Variants in PCDHA3 observed in about 807,000 individuals in gnomAD.
PCDHA3 encodes the protein protocadherin alpha 3.
Under a neutral mutation model 62.2 loss-of-function variants are expected in PCDHA3, and 41 were observed. The ratio of observed to expected loss-of-function variants is 0.66; its 90% CI spans 0.51 to 0.86. The LOEUF is 0.86. PCDHA3 is among the 40% of genes least tolerant of loss of function. The pLI is 0.00. For missense variants in PCDHA3, 1,304 were observed against 1,241.2 expected (o/e 1.05, Z -0.76); for synonymous variants, 640 against 555.4 (o/e 1.15, Z -2.14).
intron 1 of PCDHA3, chr5:140,884,432 C>G: frequency 6.2e-7 from 1 of 1,613,880 alleles, no homozygotes; most frequent in Non-Finnish European, 8.5e-7. Context: ...TACTGCGCTG[C>G]GGTGCTCGGC....
chr5:140,943,719 T>G (rs1198620937), intron 1 of PCDHA3, among the ~76,000 whole-genome samples: 2 of 152,126 alleles, frequency 1.3e-5, no homozygotes, highest in African/African-American at 4.8e-5. Context: ...TTTAAAGGTC[T>G]GAGAGAATGA....
rs782141223 is a variant in PCDHA3, at chr5:140,929,191, AAC to A, written c.2395-49756_2395-49755del. On this transcript the variant is annotated intron_variant, in intron 1 of 3. Transcript: ENST00000522353. ...CTCTCTGGGACTTGGTTCTGATAAT[AAC>A]AGTTTGCTGTTGCGTGGGGAGTACA... is the stretch of plus-strand genomic sequence containing the variant. 3.1e-6 allele frequency: 5 copies of A among 1,614,000 alleles called. No homozygotes were observed. In the African/African-American group the frequency reaches 6.7e-5, roughly 22 times the overall value.
intron 2 of PCDHA3, among the ~76,000 whole-genome samples, chr5:140,979,275 C>T (rs141662665): frequency 6.6e-6 from 1 of 152,320 alleles, no homozygotes; most frequent in East Asian, 1.9e-4. Flanking sequence ...AAAATTTCTA[C>T]AGGGAAGTAA....
At chr5:140,867,140 CATT>C (rs782677875) in intron 1 of PCDHA3, 7 of 152,092 alleles carry the variant, frequency 4.6e-5, no homozygotes, top group Non-Finnish European at 1.0e-4. Context: ...GTGATATTAT[CATT>C]TTTCCAGAGT....
intron 1 of PCDHA3, among the ~76,000 whole-genome samples, chr5:140,937,501 C>T (rs2091550832): frequency 6.6e-6 from 1 of 152,126 alleles, no homozygotes; most frequent in Admixed American, 6.5e-5. Context: ...CCCGTAATCC[C>T]AGCTACTCAG....
chr5:140,972,854 G>A (rs895738831), intron 1 of PCDHA3, among the ~76,000 whole-genome samples: 4 of 151,946 alleles, frequency 2.6e-5, no homozygotes, highest in Non-Finnish European at 4.4e-5. Flanking sequence ...AGTAGAGATG[G>A]GGTTTCATCA....
intron 1 of PCDHA3, among the ~76,000 whole-genome samples, chr5:140,961,654 T>G (rs1554225528): frequency 6.6e-6 from 1 of 152,194 alleles, no homozygotes; most frequent in East Asian, 1.9e-4. Context: ...TGTGGTTAGT[T>G]TGAAGTTACC....
intron 1 of PCDHA3, among the ~76,000 whole-genome samples, chr5:140,920,549 G>A (rs957534849): frequency 2.6e-5 from 4 of 152,120 alleles, no homozygotes; most frequent in Non-Finnish European, 5.9e-5. Flanking sequence ...TTTCACCTTC[G>A]AAGTGTGGCC....
chr5:140,892,497 T>C (rs1459778884), intron 1 of PCDHA3, among the ~76,000 whole-genome samples: 1 of 152,238 alleles, frequency 6.6e-6, no homozygotes, highest in Non-Finnish European at 1.5e-5. Context: ...GAGAGATTGT[T>C]TAAGAAGTTC....
At chr5:140,834,349 T>A in intron 1 of PCDHA3, 2 of 1,534,320 alleles carry the variant, frequency 1.3e-6, no homozygotes, top group Non-Finnish European at 1.8e-6. Flanking sequence ...CGAAGGCAAG[T>A]TTTGCTGACT....
intron 1 of PCDHA3, chr5:140,864,131 C>T (rs1191478097): frequency 2.0e-5 from 3 of 152,082 alleles, no homozygotes; most frequent in Non-Finnish European, 2.9e-5. Context: ...GACTGAGTGG[C>T]TGTTTCCTGT....
chr5:140,817,143 T>A (rs1554127220), intron 1 of PCDHA3: 1 of 152,238 alleles, frequency 6.6e-6, no homozygotes, highest in African/African-American at 2.4e-5. Flanking sequence ...ATATGCCAGG[T>A]TCCATCAGTG....
intron 1 of PCDHA3, chr5:140,930,291 C>G (rs529065220): frequency 2.0e-5 from 3 of 152,094 alleles, no homozygotes; most frequent in Non-Finnish European, 4.4e-5. Flanking sequence ...ATACACTTAA[C>G]AAATAAGTAA....
chr5:140,882,558 G>T (rs782792864), intron 1 of PCDHA3: 16 of 1,614,130 alleles, frequency 9.9e-6, no homozygotes, highest in Non-Finnish European at 1.1e-5. Flanking sequence ...GAGCTGTGTG[G>T]GCGGAGCGCG....
chr5:140,820,062 C>T (rs1472721652), intron 1 of PCDHA3, among the ~76,000 whole-genome samples: 2 of 151,904 alleles, frequency 1.3e-5, no homozygotes, highest in Non-Finnish European at 1.5e-5. Flanking sequence ...TAGAAAGTGG[C>T]TAACATCAGC....
intron 3 of PCDHA3, among the ~76,000 whole-genome samples, chr5:140,996,100 G>A (rs1554255000): frequency 1.3e-5 from 2 of 152,190 alleles, no homozygotes; most frequent in Non-Finnish European, 2.9e-5. Flanking sequence ...TACATGGAAT[G>A]GTATGGAAGT....
At chr5:140,994,394 T>G (rs1332946220) in intron 3 of PCDHA3, among the ~76,000 whole-genome samples, 3 of 152,110 alleles carry the variant, frequency 2.0e-5, no homozygotes, top group African/African-American at 7.2e-5. Flanking sequence ...AGTCAGAGAT[T>G]ATTTGACATT....
At position 140,848,233 on chromosome 5, in the gene PCDHA3, TAA is replaced by T. The variant is rs1363334655; in HGVS notation, c.2394+44643_2394+44644del. The stretch of plus-strand genomic sequence containing the variant: ...TTAAGAAAAAATTAAGAAAATGAAA[TAA>T]GTTTTGCAGAATAACTGTGAAATTT... On this transcript the variant is annotated intron_variant, in intron 1 of 3. Transcript: ENST00000522353. The T allele has an allele frequency of 7.5e-5, 31 of 410,834 alleles. 1 individual carries two copies. Among genetic ancestry groups the T allele is most frequent in the Middle Eastern group, 1.3e-3 (2 of 1,546 alleles). 25.4% of individuals were successfully genotyped at this position (410,834 alleles called of 1,614,324 possible).
In PCDHA3 at chr5:141,009,914, A is replaced by T; in HGVS notation, c.2830A>T (p.Thr944Ser). The change falls in exon 4 of 4, where the codon ACG (threonine) becomes TCG (serine). Residue 944 changes from threonine (T) to serine (S), a missense_variant. Thr to Ser is a moderately conservative substitution (Grantham distance 58). Coordinates refer to ENST00000522353, the MANE Select transcript of PCDHA3 (RefSeq NM_018906.3). ...GGAGAAAAAAGAGAAAGGGAACAGCACGACTGACAACAGTGACCAGTGAGG... is the reference window on the plus strand; with the variant it reads ...GGAGAAAAAAGAGAAAGGGAACAGCTCGACTGACAACAGTGACCAGTGAGG... ...TQEKKEKGNSTTDNSDQ is the reference protein window; with the variant it reads ...TQEKKEKGNSSTDNSDQ The T allele has an allele frequency of 6.2e-7, 1 of 1,611,466 alleles. No homozygotes were observed. The highest frequency in any genetic ancestry group is 8.5e-7 in the Non-Finnish European group (1 of 1,179,328).
Sources: allele counts gnomAD v4.1 joint callset (sites outside exome capture counted in the v4.1 genomes callset), GRCh38; gene constraint gnomAD v4.1.1; transcripts MANE v1.5; gene names NCBI Gene and HGNC (gene_info 2026-07-23, HGNC 2026-07-21).